Variants in GSC observed in about 807,000 individuals in gnomAD.
The protein encoded by GSC is goosecoid homeobox, also known as homeobox protein goosecoid.
A neutral mutation model predicts 24.5 loss-of-function variants in GSC; 13 were observed. The observed-to-expected ratio is 0.53, with a 90% CI of 0.35 to 0.84. The LOEUF (loss-of-function observed/expected upper bound fraction) is 0.84, where lower values mean the gene tolerates loss of function less well. Ranked by LOEUF, GSC falls within the 40% of genes least tolerant of loss-of-function variation. The pLI, the probability that GSC is intolerant of heterozygous loss-of-function variation, is 0.01. For synonymous variants in GSC, 199 were observed against 182.1 expected, an observed-to-expected ratio of 1.09 and a Z score of -0.75; for missense variants, 382 against 384.2, an observed-to-expected ratio of 0.99 and a Z score of 0.05.
Position 94,770,085 on chromosome 14 carries a change from T to C in GSC, c.-70A>G. 2.2e-6 allele frequency: 3 copies of C among 1,359,946 alleles called. No individual in the cohort carries two copies. Among genetic ancestry groups the C allele is most frequent in the Non-Finnish European group, 3.0e-6 (3 of 1,013,608 alleles). The allele number at this position is 1,359,946 out of a possible 1,614,324, so 84.2% of individuals were successfully genotyped here. A position where few individuals can be genotyped will look rare whatever the true frequency, so the allele number is the denominator to read the frequency against. The stretch of plus-strand genomic sequence containing the variant: ...AGGACAGAGCCTTAAAGTGGGGGGG[T>C]CCACTCTCCTCCAGCCGCCGACCAA... On this transcript the variant is annotated 5_prime_UTR_variant, in exon 1 of 3. Transcript: ENST00000238558.
At position 94,768,554 on chromosome 14, in the gene GSC, C is replaced by T; in HGVS notation, c.711G>A (p.Ser237=). ...CCCTCTTCTCCGGTGACGCCTTCGA[C>T]GACGACGTCTTGTTCCACTTCTCCG... ...ENAEKWNKTS[S]SKASPEKREE... Residue 237 remains serine, a synonymous_variant, in exon 3 of 3, where the codon TCG becomes TCA. Transcript: ENST00000238558. 4 of 1,613,886 alleles carry T rather than the reference C, an allele frequency of 2.5e-6. No individual in the cohort carries two copies. Among genetic ancestry groups the T allele is most frequent in the South Asian group, 1.1e-5 (1 of 91,082 alleles).
intron 1 of GSC, 119 bp downstream of exon 1, chr14:94,769,542 G>T (rs984924367): frequency 5.2e-6 from 7 of 1,348,446 alleles, no homozygotes; most frequent in Non-Finnish European, 5.8e-6. Flanking sequence ...CGCCCGATCG[G>T]CAAAAGCGGA....
chr14:94,768,724 T>C (rs1311562393), intron 2 of GSC, 75 bp from the exon 3 acceptor site: 30 of 1,579,266 alleles, frequency 1.9e-5, no homozygotes, highest in Non-Finnish European at 2.6e-5. Flanking sequence ...CCGGGGAGCT[T>C]GGTGTGGCGG....
Position 94,769,650 on chromosome 14 carries a change from C to G in GSC, c.355+11G>C, listed in dbSNP as rs537374182. On this transcript the variant is annotated intron_variant, in intron 1 of 2. Coordinates refer to ENST00000238558, the MANE Select transcript of GSC (RefSeq NM_173849.3). The stretch of plus-strand genomic sequence containing the variant: ...AGTGGGCGGCAGAGGCCGGAGCGAG[C>G]GCGACCCTACCTGGGGGCGTCGGGA... The G allele has an allele frequency of 2.8e-5, 40 of 1,415,854 alleles. No individual in the cohort carries two copies. The African/African-American group carries it at 5.9e-4, about 21-fold the overall frequency. The allele number at this position is 1,415,854 out of a possible 1,614,324, so 87.7% of individuals were successfully genotyped here.
At chr14:94,768,749 C>G in intron 2 of GSC, 100 bp from the exon 3 acceptor site, 2 of 1,520,280 alleles carry the variant, frequency 1.3e-6, no homozygotes, top group African/African-American at 2.7e-5. Context: ...ACACCCCGCG[C>G]AGGCCAACAA....
At chr14:94,769,284 C>G (rs1885235477) in intron 1 of GSC, 67 bp from the exon 2 acceptor site, 7 of 1,520,436 alleles carry the variant, frequency 4.6e-6, no homozygotes, top group African/African-American at 2.8e-5. Context: ...CGCCCGCCAG[C>G]CCCCGACCCT....
At chr14:94,768,696 C>A in intron 2 of GSC, 47 bp from the exon 3 acceptor site, 3 of 1,605,792 alleles carry the variant, frequency 1.9e-6, no homozygotes, top group Non-Finnish European at 2.5e-6. Flanking sequence ...AGGCGCGCTT[C>A]CCCCAGTCCC....
chr14:94,768,439 T>C lies in GSC; in HGVS notation c.*52A>G. The C allele has an allele frequency of 1.2e-6, 2 of 1,604,862 alleles. No homozygotes were observed. Among genetic ancestry groups the C allele is most frequent in the South Asian group, 1.1e-5 (1 of 90,892 alleles). ...GTGCAAGAAAGTAGCATCGTCTGTCTGTGCAAGTCCTTCGAGTTAGGTAAG... is the reference window on the plus strand; with the variant it reads ...GTGCAAGAAAGTAGCATCGTCTGTCCGTGCAAGTCCTTCGAGTTAGGTAAG... On this transcript the variant is annotated 3_prime_UTR_variant, in exon 3 of 3. Coordinates refer to ENST00000238558, the MANE Select transcript of GSC (RefSeq NM_173849.3).
At position 94,768,944 on chromosome 14, in the gene GSC, GC is replaced by G; in HGVS notation, c.615+13del. 6.4e-7 allele frequency: 1 copy of G among 1,572,476 alleles called. No homozygotes were observed. The highest frequency in any genetic ancestry group is 8.6e-7 in the Non-Finnish European group (1 of 1,160,476). On this transcript the variant is annotated intron_variant, in intron 2 of 2. Coordinates refer to ENST00000238558, the MANE Select transcript of GSC (RefSeq NM_173849.3). ...AAGGACCGCTAGGCGCCCACGGCAG[GC>G]CCCGGCGCCTACCTCCACTTTCTCC...
At chr14:94,768,737 G>C (rs768820007) in intron 2 of GSC, 88 bp from the exon 3 acceptor site, 65 of 1,545,306 alleles carry the variant, frequency 4.2e-5, no homozygotes, top group Non-Finnish European at 5.4e-5. Context: ...TGTGGCGGCG[G>C]GACACCCCGC....
intron 1 of GSC, 126 bp downstream of exon 1, chr14:94,769,535 C>T: frequency 7.5e-7 from 1 of 1,333,142 alleles, no homozygotes; most frequent in South Asian, 1.8e-5. Flanking sequence ...ACTCCTGCGC[C>T]CGATCGGCAA....
chr14:94,768,394 C>G lies in GSC; in HGVS notation c.*97G>C. ...GCTCCTCGTTCCTCTTTCTCGACCC[C>G]CTCCCGCAAGGCAGCGCGTGTGCAA... On this transcript the variant is annotated 3_prime_UTR_variant, in exon 3 of 3. Coordinates refer to ENST00000238558, the MANE Select transcript of GSC (RefSeq NM_173849.3). 6.8e-7 allele frequency: 1 copy of G among 1,461,318 alleles called. No homozygotes were observed. The highest frequency in any genetic ancestry group is 9.6e-7 in the Non-Finnish European group (1 of 1,043,098). The allele number at this position is 1,461,318 out of a possible 1,614,324, so 90.5% of individuals were successfully genotyped here.
intron 1 of GSC, 107 bp downstream of exon 1, chr14:94,769,554 G>A: frequency 5.1e-6 from 7 of 1,365,650 alleles, no homozygotes; most frequent in Non-Finnish European, 6.7e-6. Flanking sequence ...AAAAGCGGAG[G>A]GGGGAGTTGC....
Position 94,770,095 on chromosome 14 carries a change from TCCAGCCGCCGA to T in GSC, c.-91_-81del, listed in dbSNP as rs1885256737. ...CTTAAAGTGGGGGGGTCCACTCTCC[TCCAGCCGCCGA>T]CCAAACCGAAAGAGAGCGCCGGCGA... is the stretch of plus-strand genomic sequence containing the variant. On this transcript the variant is annotated 5_prime_UTR_variant, in exon 1 of 3. Transcript: ENST00000238558. 1 of 1,333,850 alleles carries T rather than the reference TCCAGCCGCCGA, an allele frequency of 7.5e-7. No individual in the cohort carries two copies. 82.6% of individuals were successfully genotyped at this position (1,333,850 alleles called of 1,614,324 possible).
At position 94,769,212 on chromosome 14, in the gene GSC, C is replaced by A; in HGVS notation, c.361G>T (p.Glu121Ter). ...GACACCAGCACCGAACCGGGGCCCT[C>A]GTAGCCTGCGACAGAGTGGGGCGCA... ...CSCVPTPPGY[E>*]GPGSVLVSPV... The change falls in exon 2 of 3, where the codon GAG (glutamate) becomes TAG (stop). Residue 121 changes from glutamate (E) to a stop codon, truncating the protein, a stop_gained. Coordinates refer to ENST00000238558, the MANE Select transcript of GSC (RefSeq NM_173849.3). LOFTEE classifies it high-confidence loss of function. The A allele has an allele frequency of 1.3e-6, 2 of 1,553,808 alleles. No individual in the cohort carries two copies. Among genetic ancestry groups the A allele is most frequent in the Non-Finnish European group, 1.7e-6 (2 of 1,149,344 alleles).
At chr14:94,768,773 G>A in intron 2 of GSC, 124 bp from the exon 3 acceptor site, 1 of 1,403,406 alleles carries the variant, frequency 7.1e-7, no homozygotes, top group Non-Finnish European at 9.8e-7. Context: ...GAGGGGAGCC[G>A]CTCGCTCCCG....
Position 94,769,773 on chromosome 14 carries a change from G to A in GSC, c.243C>T (p.Asn81=). The A allele has an allele frequency of 2.1e-6, 3 of 1,439,590 alleles. No homozygotes were observed. The highest frequency in any genetic ancestry group is 2.4e-4 in the Middle Eastern group (1 of 4,238). 89.2% of individuals were successfully genotyped at this position (1,439,590 alleles called of 1,614,324 possible). A position where few individuals can be genotyped will look rare whatever the true frequency, so the allele number is the denominator to read the frequency against. The change falls in exon 1 of 3, where the codon AAC becomes AAT. Residue 81 remains asparagine (N), a synonymous_variant. Transcript: ENST00000238558. ...AAVSGSRLGY[N]NYFYGQLHVQ... ...CGTGCAGCTGCCCGTAGAAGTAGTT[G>A]TTGTAGCCGAGGCGGGAGCCGCTGA...
Position 94,768,550 on chromosome 14 carries a change from T to TCGA in GSC, c.712_714dup (p.Ser238dup). On this transcript the variant is annotated inframe_insertion, in exon 3 of 3. Transcript: ENST00000238558. The stretch of plus-strand genomic sequence containing the variant: ...TCTTCCCTCTTCTCCGGTGACGCCT[T>TCGA]CGACGACGACGTCTTGTTCCACTTC... 1 of 1,614,200 alleles carries TCGA rather than the reference T, an allele frequency of 6.2e-7. No homozygotes were observed. The highest frequency in any genetic ancestry group is 8.5e-7 in the Non-Finnish European group (1 of 1,180,034).
intron 2 of GSC, 81 bp from the exon 3 acceptor site, chr14:94,768,730 G>A: frequency 3.8e-6 from 6 of 1,569,324 alleles, no homozygotes; most frequent in Non-Finnish European, 5.2e-6. Flanking sequence ...AGCTTGGTGT[G>A]GCGGCGGGAC....
Sources: gnomAD v4.1 joint callset for allele counts on GRCh38, gnomAD v4.1.1 for gene constraint, MANE v1.5 for transcripts, NCBI Gene and HGNC (gene_info 2026-07-23, HGNC 2026-07-21) for gene names.